The following ARID1B variants were observed in gnomAD, a reference collection of about 807,000 sequenced individuals.
The protein encoded by ARID1B is AT-rich interactive domain-containing protein 1B.
ARID1B carries 30 observed loss-of-function variants against 212.3 expected under a neutral mutation model. The observed-to-expected ratio is 0.14, with a 90% confidence interval of 0.11 to 0.19. The LOEUF (loss-of-function observed/expected upper bound fraction) is 0.19. Ranked by LOEUF, ARID1B falls within the 10% of genes least tolerant of loss-of-function variation. The probability of loss-of-function intolerance (pLI) is 1.00; values close to 1 mark genes in which losing one functional copy is unlikely to be tolerated. For synonymous variants in ARID1B, 1,402 were observed against 1,301.7 expected (o/e 1.08, Z -1.66); for missense variants, 2,891 against 3,204.0 (o/e 0.90, Z 2.36).
chr6:156,984,356 G>A (rs756196614), intron 4 of ARID1B, among the ~76,000 whole-genome samples: 1 of 152,120 alleles, frequency 6.6e-6, no homozygotes. Context: ...GGAATTTTCA[G>A]ATCCTTCCTT....
chr6:156,870,398 T>C (rs556407212), intron 2 of ARID1B: 24 of 152,320 alleles, frequency 1.6e-4, no homozygotes, highest in African/African-American at 5.8e-4. Context: ...TGGCTGTTTA[T>C]AACCAGATCC....
At chr6:157,129,706 T>C (rs1788401206) in intron 6 of ARID1B, among the ~76,000 whole-genome samples, 1 of 152,232 alleles carries the variant, frequency 6.6e-6, no homozygotes, top group African/African-American at 2.4e-5. Flanking sequence ...TGTGATTTTA[T>C]GTGAAATGCC....
chr6:156,911,943 A>C lies in ARID1B; in HGVS notation c.2136+10418A>C, dbSNP rs371823267. Among the ~76,000 whole-genome samples the C allele has an allele frequency of 1.1e-4, 17 of 152,356 alleles. No homozygotes were observed. The East Asian group carries it at 3.3e-3, about 29-fold the overall frequency. On this transcript the variant is annotated intron_variant, in intron 3 of 19. Transcript: ENST00000636930. ...AACATGCTCACAGAGTTGTTAGAAA[A>C]GGTAAGTTACCCCAAAGTCTGGAAA...
At chr6:156,795,499 A>G (rs1228817365) in intron 1 of ARID1B, among the ~76,000 whole-genome samples, 2 of 152,224 alleles carry the variant, frequency 1.3e-5, no homozygotes, top group Non-Finnish European at 2.9e-5. Flanking sequence ...TAGCATATCT[A>G]AAAATCATCA....
At position 156,777,648 on chromosome 6, in the gene ARID1B, C is replaced by G. The variant is rs1174144637; in HGVS notation, c.-33C>G. ...AAGTGGGGGTTATTGTCTCCCCCCG[C>G]CCCCCGCCCGGCCTCGCCACGCCGC... On this transcript the variant is annotated 5_prime_UTR_variant, in exon 1 of 20. Transcript: ENST00000636930. 1 of 149,112 alleles carries G rather than the reference C, an allele frequency of 6.7e-6. No individual in the cohort carries two copies. The highest frequency in any genetic ancestry group is 6.7e-5 in the Admixed American group (1 of 14,994). The allele number at this position is 149,112 out of a possible 1,614,324, so 9.2% of individuals were successfully genotyped here.
chr6:156,995,994 A>AC (rs1299278004), intron 4 of ARID1B, among the ~76,000 whole-genome samples: 1 of 152,132 alleles, frequency 6.6e-6, no homozygotes, highest in African/African-American at 2.4e-5. Context: ...AAACCTCAGG[A>AC]CCCCACACAA....
At chr6:157,022,958 T>TG (rs1780421303) in intron 4 of ARID1B, 3 of 151,948 alleles carry the variant, frequency 2.0e-5, no homozygotes, top group Admixed American at 2.0e-4. Context: ...TTCTTCTGTT[T>TG]TTATGCCTTG....
chr6:156,796,575 G>T (rs911959697), intron 1 of ARID1B, among the ~76,000 whole-genome samples: 3 of 152,018 alleles, frequency 2.0e-5, no homozygotes, highest in Admixed American at 1.3e-4. Context: ...TTCATCTAGT[G>T]GTAAGATTTT....
intron 4 of ARID1B, among the ~76,000 whole-genome samples, chr6:157,056,785 CTT>C (rs1782981434): frequency 1.3e-5 from 2 of 151,702 alleles, no homozygotes; most frequent in East Asian, 1.9e-4. Flanking sequence ...TAAGGAGAAA[CTT>C]AGGCAATTGA....
chr6:156,917,334 A>T (rs979876847), intron 3 of ARID1B, among the ~76,000 whole-genome samples: 2 of 152,206 alleles, frequency 1.3e-5, no homozygotes, highest in Admixed American at 6.5e-5. Context: ...AAACCATTTT[A>T]TGAGCCCCTT....
At chr6:157,127,783 CAAAAAAA>C (rs61172896) in intron 6 of ARID1B, among the ~76,000 whole-genome samples, 1 of 56,794 alleles carries the variant, frequency 1.8e-5, no homozygotes, top group Admixed American at 2.2e-4. Context: ...GACTCTGTCT[CAAAAAAA>C]AAAAAAAAAA....
intron 4 of ARID1B, among the ~76,000 whole-genome samples, chr6:157,041,648 G>T (rs1781884608): frequency 6.6e-6 from 1 of 152,144 alleles, no homozygotes; most frequent in African/African-American, 2.4e-5. Context: ...CCAGTGTTAG[G>T]TAAGGAAACA....
intron 12 of ARID1B, among the ~76,000 whole-genome samples, chr6:157,182,604 G>A (rs760820759): frequency 3.9e-5 from 6 of 152,152 alleles, no homozygotes; most frequent in South Asian, 2.1e-4. Context: ...TCAGTGCTGC[G>A]TCTCGGGGGA....
Position 157,206,079 on chromosome 6 carries a change from G to C in ARID1B, c.5395-88G>C. ...TGACAATGATGGAAAGGTATTGACG[G>C]GTCTCAGGATCTTTACCCTCCTCGG... On this transcript the variant is annotated intron_variant, in intron 19 of 19. Transcript: ENST00000636930. This position sits in a 1 kb window ranked among gnomAD's most constrained non-coding sequence, Gnocchi z 6.8. 7.3e-7 allele frequency: 1 copy of C among 1,376,830 alleles called. No homozygotes were observed. The highest frequency in any genetic ancestry group is 1.0e-6 in the Non-Finnish European group (1 of 1,000,364). The allele number at this position is 1,376,830 out of a possible 1,614,324, so 85.3% of individuals were successfully genotyped here.
chr6:156,812,063 G>A (rs903631498), intron 1 of ARID1B, among the ~76,000 whole-genome samples: 3 of 152,218 alleles, frequency 2.0e-5, no homozygotes, highest in African/African-American at 7.2e-5. Context: ...ATAGTGTGCC[G>A]AGGGCACAGG....
At chr6:157,091,358 G>A (rs1043830658) in intron 5 of ARID1B, among the ~76,000 whole-genome samples, 2 of 152,200 alleles carry the variant, frequency 1.3e-5, no homozygotes, top group Admixed American at 6.5e-5. Context: ...GCTCTTCTGT[G>A]TGAGTGCTCA....
At chr6:156,980,316 C>G (rs1777525738) in intron 4 of ARID1B, among the ~76,000 whole-genome samples, 2 of 152,008 alleles carry the variant, frequency 1.3e-5, no homozygotes, top group Non-Finnish European at 2.9e-5. Context: ...AACCCCATCT[C>G]TACTAAAAAT....
chr6:156,827,774 T>G (rs1782848799), intron 1 of ARID1B, among the ~76,000 whole-genome samples: 2 of 134,530 alleles, frequency 1.5e-5, no homozygotes, highest in Admixed American at 1.4e-4. Flanking sequence ...TTTTTTTTTT[T>G]TTTTTTTTTG....
chr6:156,999,325 A>G (rs1778782535), intron 4 of ARID1B, among the ~76,000 whole-genome samples: 1 of 152,252 alleles, frequency 6.6e-6, no homozygotes, highest in Admixed American at 6.5e-5. Flanking sequence ...GTGACATTGG[A>G]AAGGATTCTT....
Sources: gnomAD v4.1 joint callset for allele counts (sites outside exome capture counted in the v4.1 genomes callset) on GRCh38, gnomAD v4.1.1 for gene constraint, Gnocchi (gnomAD v3.1) non-coding constraint, MANE v1.5 for transcripts, NCBI Gene and HGNC (gene_info 2026-07-23, HGNC 2026-07-21) for gene names.